Variants in LDHB observed in about 807,000 individuals in gnomAD.
LDHB encodes lactate dehydrogenase B.
Under a neutral mutation model 33.4 loss-of-function variants are expected in LDHB, and 18 were observed. The ratio of observed to expected loss-of-function variants is 0.54; its 90% CI spans 0.37 to 0.80. The LOEUF (loss-of-function observed/expected upper bound fraction) is 0.80. Among genes scored for constraint, LDHB ranks in the 30% least tolerant of loss-of-function variants. The pLI, the probability that LDHB is intolerant of heterozygous loss-of-function variation, is 0.00. For synonymous variants in LDHB, 121 were observed against 140.6 expected (o/e 0.86, Z 0.98); for missense variants, 345 against 407.9 (o/e 0.85, Z 1.33).
intron 3 of LDHB, among the ~76,000 whole-genome samples, chr12:21,646,168 G>A (rs996918203): frequency 2.6e-5 from 4 of 152,198 alleles, no homozygotes; most frequent in African/African-American, 9.7e-5. Context: ...GACTGAGGGA[G>A]GAGAGGAGAA....
intron 1 of LDHB, chr12:21,657,417 C>T (rs1938885427): frequency 1.3e-5 from 2 of 152,538 alleles, no homozygotes; most frequent in South Asian, 2.1e-4. Context: ...GGGCACGTGT[C>T]CCGACTCCCG....
Position 21,646,885 on chromosome 12 carries a change from T to A in LDHB, c.247+14A>T. The A allele has an allele frequency of 7.0e-7, 1 of 1,428,372 alleles. No individual in the cohort carries two copies. Among genetic ancestry groups the A allele is most frequent in the African/African-American group, 1.4e-5 (1 of 71,470 alleles). 88.5% of individuals were successfully genotyped at this position (1,428,372 alleles called of 1,614,324 possible). ...AAAAAATATTAGATCACTTTGGGCA[T>A]TAAGTGAAATTACCTTTATCTGCCA... On this transcript the variant is annotated intron_variant, in intron 3 of 7. Transcript: ENST00000350669.
intron 5 of LDHB, 101 bp from the exon 6 acceptor site, chr12:21,638,571 G>T: frequency 1.2e-6 from 1 of 800,310 alleles, no homozygotes; most frequent in Non-Finnish European, 2.1e-6. Context: ...GCAAATTACT[G>T]AATACCAACT....
intron 2 of LDHB, among the ~76,000 whole-genome samples, chr12:21,650,919 AAGG>A (rs1938672825): frequency 6.6e-6 from 1 of 152,248 alleles, no homozygotes; most frequent in Admixed American, 6.5e-5. Flanking sequence ...GGCATAAGAC[AAGG>A]AGATGTTGAA....
chr12:21,653,242 A>T (rs1938744028), intron 2 of LDHB, among the ~76,000 whole-genome samples: 1 of 152,350 alleles, frequency 6.6e-6, no homozygotes, highest in South Asian at 2.1e-4. Flanking sequence ...GAATGGTATT[A>T]GTGTTAAATC....
At position 21,645,460 on chromosome 12, in the gene LDHB, C is replaced by T. The variant is rs1938495080; in HGVS notation, c.248-1352G>A. 2.0e-5 allele frequency among the ~76,000 whole-genome samples: 3 copies of T among 152,278 alleles called. No individual in the cohort carries two copies. The South Asian group carries it at 6.2e-4, about 32-fold the overall frequency. ...TGAGGTAAGAGGAAGGCATCTGTCT[C>T]CTGCTCGTCCCTGGGCAATGGAATG... On this transcript the variant is annotated intron_variant, in intron 3 of 7. Coordinates refer to ENST00000350669, the MANE Select transcript of LDHB (RefSeq NM_002300.8).
At position 21,637,130 on chromosome 12, in the gene LDHB, G is replaced by C; in HGVS notation, c.778C>G (p.Leu260Val). Residue 260 changes from leucine (L) to valine (V), a missense_variant, in exon 7 of 8, where the codon CTT (leucine) becomes GTT (valine). Leu to Val is a conservative substitution (Grantham distance 32). Transcript: ENST00000350669. Reference protein sequence around the residue: ...NWAIGLSVADLIESMLKNLSR... With the variant: ...NWAIGLSVADVIESMLKNLSR... ...AGATTTTTCAACATGGATTCAATAA[G>C]ATCAGCCACACTTAATCCAATAGCC... The C allele has an allele frequency of 6.2e-7, 1 of 1,606,214 alleles. No homozygotes were observed. The highest frequency in any genetic ancestry group is 8.5e-7 in the Non-Finnish European group (1 of 1,173,544).
intron 4 of LDHB, 200 bp downstream of exon 4, chr12:21,643,735 C>A: frequency 1.8e-6 from 1 of 566,212 alleles, no homozygotes; most frequent in Non-Finnish European, 3.1e-6. Context: ...TTAGCTAAAA[C>A]TCTTGTCACA....
intron 1 of LDHB, among the ~76,000 whole-genome samples, chr12:21,655,047 G>A (rs1591837133): frequency 6.6e-6 from 1 of 152,092 alleles, no homozygotes; most frequent in East Asian, 1.9e-4. Context: ...CTTGAACCCA[G>A]GAAGTGGAGG....
At chr12:21,636,158 GAT>G (rs1344245930) in intron 7 of LDHB, among the ~76,000 whole-genome samples, 7 of 151,744 alleles carry the variant, frequency 4.6e-5, no homozygotes, top group African/African-American at 1.7e-4. Flanking sequence ...AATAAATTTT[GAT>G]ATATGAGTCT....
chr12:21,642,270 T>C (rs1938396321), intron 4 of LDHB, 145 bp from the exon 5 acceptor site: 1 of 647,046 alleles, frequency 1.5e-6, no homozygotes, highest in South Asian at 1.9e-5. Flanking sequence ...ATACTTTAAC[T>C]TTTCATTGTT....
chr12:21,638,213 T>C (rs1938269960), intron 6 of LDHB, 140 bp downstream of exon 6: 2 of 645,860 alleles, frequency 3.1e-6, no homozygotes. Context: ...AGTGTAAAAG[T>C]CTTATCAGTT....
intron 1 of LDHB, 51 bp downstream of exon 1, chr12:21,657,700 C>G (rs951897284): frequency 1.3e-5 from 2 of 152,470 alleles, no homozygotes; most frequent in African/African-American, 2.4e-5. Context: ...CCCGCACGTC[C>G]CATCAGGCTT....
At chr12:21,652,498 G>A (rs1448714900) in intron 2 of LDHB, among the ~76,000 whole-genome samples, 1 of 152,226 alleles carries the variant, frequency 6.6e-6, no homozygotes, top group African/African-American at 2.4e-5. Flanking sequence ...AGCTGAAATA[G>A]TTTTTGTTTT....
chr12:21,647,987 G>C (rs544375795), intron 2 of LDHB, among the ~76,000 whole-genome samples: 4 of 151,784 alleles, frequency 2.6e-5, no homozygotes, highest in East Asian at 1.9e-4. Context: ...GCTGGGCCTG[G>C]AATCATAATT....
At chr12:21,645,813 C>T (rs1419893336) in intron 3 of LDHB, among the ~76,000 whole-genome samples, 3 of 152,054 alleles carry the variant, frequency 2.0e-5, no homozygotes, top group South Asian at 4.2e-4. Flanking sequence ...TGCTGAGTGC[C>T]GGTTCCCTCG....
chr12:21,645,560 A>C (rs1014687233), intron 3 of LDHB, among the ~76,000 whole-genome samples: 5 of 152,242 alleles, frequency 3.3e-5, no homozygotes, highest in Admixed American at 3.3e-4. Flanking sequence ...GAGGTGGGAC[A>C]TGCTGGCAGC....
chr12:21,638,659 C>T (rs1938283336), intron 5 of LDHB, 189 bp from the exon 6 acceptor site: 1 of 576,784 alleles, frequency 1.7e-6, no homozygotes, highest in Non-Finnish European at 3.1e-6. Flanking sequence ...CTTCAAATAG[C>T]AACATGTCTG....
At chr12:21,642,151 T>C in intron 4 of LDHB, 26 bp from the exon 5 acceptor site, 2 of 1,584,268 alleles carry the variant, frequency 1.3e-6, no homozygotes, top group Non-Finnish European at 1.7e-6. Context: ...ATAATATATG[T>C]AAGTAAACCA....
Sources: gnomAD v4.1 joint callset for allele counts (sites outside exome capture counted in the v4.1 genomes callset) on GRCh38, gnomAD v4.1.1 for gene constraint, MANE v1.5 for transcripts, NCBI Gene and HGNC (gene_info 2026-07-23, HGNC 2026-07-21) for gene names.